Variants in PTPRR observed in about 807,000 individuals in gnomAD.
PTPRR encodes the protein protein tyrosine phosphatase receptor type R.
Under a neutral mutation model 77.2 loss-of-function variants are expected in PTPRR, and 38 were observed. The ratio of observed to expected loss-of-function variants is 0.49; its 90% CI spans 0.38 to 0.65. PTPRR has a LOEUF of 0.65. PTPRR is among the 30% of genes least tolerant of loss of function. The probability of loss-of-function intolerance (pLI) is 0.00; values close to 1 mark genes in which losing one functional copy is unlikely to be tolerated. For missense variants in PTPRR, 744 were observed against 799.2 expected (o/e 0.93, Z 0.83); for synonymous variants, 299 against 283.1 (o/e 1.06, Z -0.57).
intron 2 of PTPRR, among the ~76,000 whole-genome samples, chr12:70,886,538 G>C (rs1018551743): frequency 6.6e-6 from 1 of 152,032 alleles, no homozygotes; most frequent in Non-Finnish European, 1.5e-5. Context: ...AAATGATTTT[G>C]AATCCTGGGA....
chr12:70,737,531 T>TATCC (rs1367947431), intron 6 of PTPRR, among the ~76,000 whole-genome samples: 2 of 151,674 alleles, frequency 1.3e-5, no homozygotes, highest in South Asian at 2.1e-4. Context: ...TCTATCTATC[T>TATCC]ATCTTTCGAG....
intron 2 of PTPRR, among the ~76,000 whole-genome samples, chr12:70,798,656 T>G (rs926786162): frequency 2.6e-5 from 4 of 152,214 alleles, no homozygotes; most frequent in Non-Finnish European, 5.9e-5. Flanking sequence ...TGCCAAATCT[T>G]GAAATGCTGC....
intron 2 of PTPRR, among the ~76,000 whole-genome samples, chr12:70,812,922 G>C (rs1025425749): frequency 1.3e-5 from 2 of 152,158 alleles, no homozygotes; most frequent in African/African-American, 4.8e-5. Flanking sequence ...CAGTTTAATT[G>C]CTTGCTCATT....
chr12:70,895,334 A>C (rs1051891002), intron 1 of PTPRR, among the ~76,000 whole-genome samples: 1 of 151,626 alleles, frequency 6.6e-6, no homozygotes, highest in African/African-American at 2.4e-5. Context: ...ATATATTATC[A>C]ATCACACCAA....
At chr12:70,745,268 T>C (rs146185057) in intron 6 of PTPRR, among the ~76,000 whole-genome samples, 2 of 152,162 alleles carry the variant, frequency 1.3e-5, no homozygotes, top group Non-Finnish European at 2.9e-5. Flanking sequence ...CCTCAAGTGA[T>C]CCACCCACCT....
chr12:70,873,656 G>C (rs1446610810), intron 2 of PTPRR, among the ~76,000 whole-genome samples: 2 of 152,006 alleles, frequency 1.3e-5, no homozygotes, highest in Non-Finnish European at 2.9e-5. Flanking sequence ...GGATGTACAG[G>C]ACCACACTTA....
At chr12:70,725,460 A>G (rs1889398326) in intron 6 of PTPRR, among the ~76,000 whole-genome samples, 1 of 152,144 alleles carries the variant, frequency 6.6e-6, no homozygotes, top group Non-Finnish European at 1.5e-5. Flanking sequence ...AATCTAGGAA[A>G]AGCAGCTATA....
intron 2 of PTPRR, among the ~76,000 whole-genome samples, chr12:70,868,498 C>T (rs1356984653): frequency 1.3e-5 from 2 of 152,138 alleles, no homozygotes; most frequent in Non-Finnish European, 2.9e-5. Flanking sequence ...TACCATCTCA[C>T]ACCAGTTAGA....
intron 2 of PTPRR, among the ~76,000 whole-genome samples, chr12:70,848,109 G>A (rs1398471385): frequency 1.3e-5 from 2 of 152,084 alleles, no homozygotes; most frequent in Non-Finnish European, 2.9e-5. Context: ...ATAATGGGAG[G>A]AATGTCATTA....
At chr12:70,813,938 A>G (rs1891855031) in intron 2 of PTPRR, among the ~76,000 whole-genome samples, 2 of 152,176 alleles carry the variant, frequency 1.3e-5, no homozygotes, top group Admixed American at 1.3e-4. Flanking sequence ...CCAGAAAAGA[A>G]CACGGGGAAT....
intron 1 of PTPRR, among the ~76,000 whole-genome samples, chr12:70,906,331 A>AT (rs1279448555): frequency 6.6e-6 from 1 of 151,792 alleles, no homozygotes; most frequent in East Asian, 1.9e-4. Context: ...CATGGTCCTG[A>AT]TTTTTTTTCT....
chr12:70,759,493 T>G (rs1416410348), intron 4 of PTPRR, among the ~76,000 whole-genome samples: 1 of 151,606 alleles, frequency 6.6e-6, no homozygotes, highest in Non-Finnish European at 1.5e-5. Flanking sequence ...ATGAAAGGTA[T>G]GCATGGTGAA....
chr12:70,680,390 G>T (rs927894742), intron 10 of PTPRR, among the ~76,000 whole-genome samples: 7 of 152,172 alleles, frequency 4.6e-5, no homozygotes, highest in Admixed American at 1.3e-4. Flanking sequence ...CTTTTGAAGG[G>T]AATGACTTTC....
At chr12:70,644,115 G>A (rs1886110188) in intron 13 of PTPRR, among the ~76,000 whole-genome samples, 1 of 152,170 alleles carries the variant, frequency 6.6e-6, no homozygotes, top group Non-Finnish European at 1.5e-5. Context: ...GTTTGTTTCT[G>A]TACTTTCCCA....
chr12:70,784,173 A>G (rs1052424157), intron 2 of PTPRR, among the ~76,000 whole-genome samples: 3 of 152,144 alleles, frequency 2.0e-5, no homozygotes, highest in African/African-American at 7.2e-5. Context: ...AGCCTGGCCC[A>G]GGAGGGCGGG....
At chr12:70,664,951 G>C (rs1301754906) in intron 10 of PTPRR, among the ~76,000 whole-genome samples, 1 of 152,172 alleles carries the variant, frequency 6.6e-6, no homozygotes, top group African/African-American at 2.4e-5. Context: ...GTTTCTAAGA[G>C]TACAAGTTCA....
rs1034765078 is a variant in PTPRR at position 70,841,179 on chromosome 12, C to A, written c.357+51500G>T. 5.3e-5 allele frequency among the ~76,000 whole-genome samples: 8 copies of A among 152,060 alleles called. No homozygotes were observed. In the East Asian group the frequency reaches 5.8e-4, roughly 11 times the overall value. On this transcript the variant is annotated intron_variant, in intron 2 of 13. Transcript: ENST00000283228. ...TTAGAGGCATTAGAATCAGACTCCACTCTACCCTTACCCCCCCAACAAAAA... is the reference window on the plus strand; with the variant it reads ...TTAGAGGCATTAGAATCAGACTCCAATCTACCCTTACCCCCCCAACAAAAA...
At chr12:70,758,711 C>T (rs1890618465) in intron 4 of PTPRR, among the ~76,000 whole-genome samples, 1 of 152,088 alleles carries the variant, frequency 6.6e-6, no homozygotes, top group African/African-American at 2.4e-5. Context: ...CTGACCCTCT[C>T]CTCTGGCCTC....
chr12:70,718,368 C>T (rs557112384), intron 6 of PTPRR, among the ~76,000 whole-genome samples: 1 of 152,136 alleles, frequency 6.6e-6, no homozygotes, highest in East Asian at 1.9e-4. Context: ...TGGGTTCAAG[C>T]GATTCTCCTG....
Sources: gnomAD v4.1 joint callset for allele counts (sites outside exome capture counted in the v4.1 genomes callset) on GRCh38, gnomAD v4.1.1 for gene constraint, MANE v1.5 for transcripts, NCBI Gene and HGNC (gene_info 2026-07-23, HGNC 2026-07-21) for gene names.